The following GHR variants were observed in gnomAD, a reference collection of about 807,000 sequenced individuals.
GHR encodes the protein GH receptor.
In GHR, 35 loss-of-function variants were observed where a neutral mutation model predicts 67.1. The observed-to-expected ratio is 0.52, with a 90% confidence interval of 0.40 to 0.69. The LOEUF (loss-of-function observed/expected upper bound fraction) is 0.69, where lower values mean the gene tolerates loss of function less well. Ranked by LOEUF, GHR falls within the 30% of genes least tolerant of loss-of-function variation. The pLI, the probability that GHR is intolerant of heterozygous loss-of-function variation, is 0.00. For missense variants in GHR, 792 were observed against 764.6 expected, an observed-to-expected ratio of 1.04 and a Z score of -0.42; for synonymous variants, 272 against 269.1, an observed-to-expected ratio of 1.01 and a Z score of -0.10.
intron 1 of GHR, among the ~76,000 whole-genome samples, chr5:42,524,457 A>G (rs1747614658): frequency 6.6e-6 from 1 of 152,220 alleles, no homozygotes; most frequent in African/African-American, 2.4e-5. Flanking sequence ...AGCATTCAAG[A>G]GGTGAATGCT....
chr5:42,465,652 T>A (rs1744694843), intron 1 of GHR: 1 of 894,154 alleles, frequency 1.1e-6, no homozygotes, highest in African/African-American at 1.6e-5. Flanking sequence ...AGTTGTGAGA[T>A]CTGCTACCTC....
At chr5:42,525,223 C>T (rs746800567) in intron 1 of GHR, among the ~76,000 whole-genome samples, 3 of 152,224 alleles carry the variant, frequency 2.0e-5, no homozygotes, top group Non-Finnish European at 4.4e-5. Flanking sequence ...GGAGACTGTA[C>T]TCTGCAAAGC....
At chr5:42,432,694 C>A (rs1218212456) in intron 1 of GHR, among the ~76,000 whole-genome samples, 2 of 152,076 alleles carry the variant, frequency 1.3e-5, no homozygotes, top group Non-Finnish European at 2.9e-5. Flanking sequence ...TACCAGAATC[C>A]CTGGGCAAGA....
intron 3 of GHR, among the ~76,000 whole-genome samples, chr5:42,660,381 C>T (rs1755521538): frequency 6.6e-6 from 1 of 152,184 alleles, no homozygotes; most frequent in Admixed American, 6.5e-5. Flanking sequence ...AGACTGACAC[C>T]TCACACGGCC....
At chr5:42,493,225 T>C (rs1342842074) in intron 1 of GHR, among the ~76,000 whole-genome samples, 1 of 152,190 alleles carries the variant, frequency 6.6e-6, no homozygotes, top group Non-Finnish European at 1.5e-5. Context: ...GACCTTGCTG[T>C]GTTAAGTGAA....
intron 3 of GHR, among the ~76,000 whole-genome samples, chr5:42,636,697 G>T (rs1754211680): frequency 1.3e-5 from 2 of 152,130 alleles, no homozygotes; most frequent in African/African-American, 4.8e-5. Context: ...AAAATATCTT[G>T]AATTTATTAT....
At chr5:42,618,240 T>C (rs889661687) in intron 2 of GHR, among the ~76,000 whole-genome samples, 1 of 152,096 alleles carries the variant, frequency 6.6e-6, no homozygotes, top group Admixed American at 6.6e-5. Flanking sequence ...ACCACTTCCA[T>C]GTTGGCCAAA....
chr5:42,593,508 A>G (rs1751904360), intron 2 of GHR, among the ~76,000 whole-genome samples: 1 of 152,226 alleles, frequency 6.6e-6, no homozygotes, highest in Admixed American at 6.5e-5. Context: ...GGGCAACTGA[A>G]GAAGTATGAG....
intron 2 of GHR, among the ~76,000 whole-genome samples, chr5:42,616,142 A>G (rs1753136196): frequency 1.3e-5 from 2 of 152,030 alleles, no homozygotes; most frequent in African/African-American, 4.8e-5. Context: ...GCCACTAGAG[A>G]ATTTTAGCCA....
chr5:42,584,019 A>G (rs541393289), intron 2 of GHR, among the ~76,000 whole-genome samples: 3 of 152,002 alleles, frequency 2.0e-5, no homozygotes. Flanking sequence ...GCGGTCCGTT[A>G]GTAGTCTTCT....
chr5:42,431,108 A>G (rs753556779), intron 1 of GHR, among the ~76,000 whole-genome samples: 3 of 152,148 alleles, frequency 2.0e-5, no homozygotes, highest in Non-Finnish European at 2.9e-5. Flanking sequence ...CCATTTAATT[A>G]TCAAATTTCT....
intron 1 of GHR, chr5:42,565,475 G>T: frequency 1.0e-6 from 1 of 985,184 alleles, no homozygotes; most frequent in Non-Finnish European, 1.2e-6. Context: ...TCCAGCTCAA[G>T]GCCCCATGCT....
chr5:42,614,202 A>G (rs534781896), intron 2 of GHR, among the ~76,000 whole-genome samples: 25 of 152,238 alleles, frequency 1.6e-4, no homozygotes, highest in African/African-American at 5.8e-4. Context: ...ATTTATTATT[A>G]GTTTCAGATG....
Position 42,513,797 on chromosome 5 carries a change from T to G in GHR, c.-11-52067T>G, listed in dbSNP as rs975737862. ...AACTCCGTCTCAAAAAAAAAAAGCT[T>G]CAGCAGGGTGAGGTTAAAACTCAAA... On this transcript the variant is annotated intron_variant, in intron 1 of 9. Coordinates refer to ENST00000230882, the MANE Select transcript of GHR (RefSeq NM_000163.5). 3.9e-5 allele frequency among the ~76,000 whole-genome samples: 6 copies of G among 151,904 alleles called. 1 individual carries two copies. The highest frequency in any genetic ancestry group is 8.8e-5 in the Non-Finnish European group (6 of 67,958).
chr5:42,631,300 G>A (rs2112750741), intron 3 of GHR, among the ~76,000 whole-genome samples: 1 of 152,274 alleles, frequency 6.6e-6, no homozygotes, highest in Middle Eastern at 3.4e-3. Flanking sequence ...AAGTCACATA[G>A]ATACTGACTT....
chr5:42,634,913 T>C (rs1754101939), intron 3 of GHR, among the ~76,000 whole-genome samples: 1 of 152,114 alleles, frequency 6.6e-6, no homozygotes, highest in African/African-American at 2.4e-5. Context: ...TATTAGCTGA[T>C]AATTTAACTA....
chr5:42,448,773 G>C (rs1743926298), intron 1 of GHR, among the ~76,000 whole-genome samples: 2 of 151,942 alleles, frequency 1.3e-5, no homozygotes, highest in South Asian at 4.2e-4. Flanking sequence ...TCAGGTTCTA[G>C]ATTTACATCT....
At chr5:42,644,803 A>G (rs923063763) in intron 3 of GHR, among the ~76,000 whole-genome samples, 13 of 152,138 alleles carry the variant, frequency 8.5e-5, no homozygotes, top group African/African-American at 3.1e-4. Context: ...ATAGGAATTA[A>G]TTAAACCATA....
At chr5:42,545,335 A>G (rs1464077713) in intron 1 of GHR, among the ~76,000 whole-genome samples, 1 of 152,228 alleles carries the variant, frequency 6.6e-6, no homozygotes, top group African/African-American at 2.4e-5. Flanking sequence ...ATTGGCAGGT[A>G]CTTGAGAGTC....
Sources: gnomAD v4.1 joint callset for allele counts (sites outside exome capture counted in the v4.1 genomes callset) on GRCh38, gnomAD v4.1.1 for gene constraint, MANE v1.5 for transcripts, NCBI Gene and HGNC (gene_info 2026-07-23, HGNC 2026-07-21) for gene names.